Variants in GGA2 observed in about 807,000 individuals in gnomAD.
GGA2 encodes the protein ADP-ribosylation factor-binding protein GGA2.
In GGA2, 48 loss-of-function variants were observed where a neutral mutation model predicts 79.5. The ratio of observed to expected loss-of-function variants is 0.60; its 90% CI spans 0.48 to 0.77. The LOEUF (loss-of-function observed/expected upper bound fraction) is 0.77. Among genes scored for constraint, GGA2 ranks in the 30% least tolerant of loss-of-function variants. GGA2 has a pLI of 0.00. For synonymous variants in GGA2, 317 were observed against 302.0 expected, an observed-to-expected ratio of 1.05 and a Z score of -0.51; for missense variants, 770 against 774.0, an observed-to-expected ratio of 0.99 and a Z score of 0.06.
intron 11 of GGA2, 74 bp from the exon 12 acceptor site, chr16:23,478,985 C>A: frequency 9.8e-7 from 1 of 1,019,406 alleles, no homozygotes; most frequent in South Asian, 1.3e-5. Context: ...ATGCCACACC[C>A]ATCCTTTCTA....
intron 14 of GGA2, among the ~76,000 whole-genome samples, chr16:23,473,330 C>T (rs200785119): frequency 4.5e-3 from 318 of 70,566 alleles, no homozygotes; most frequent in Middle Eastern, 0.021. Context: ...CTTTTCTAGT[C>T]TTTTTTTTTT....
chr16:23,509,789 T>TTA (rs1965015395), intron 1 of GGA2, among the ~76,000 whole-genome samples: 1 of 144,322 alleles, frequency 6.9e-6, no homozygotes, highest in Non-Finnish European at 1.5e-5. Context: ...TGTGTGTGTT[T>TTA]AAAAAAAAAA....
At chr16:23,493,297 G>A in intron 4 of GGA2, 63 bp downstream of exon 4, 1 of 975,626 alleles carries the variant, frequency 1.0e-6, no homozygotes, top group Non-Finnish European at 1.7e-6. Flanking sequence ...TGAGGAGGGA[G>A]CCAGGAGTTT....
intron 2 of GGA2, 136 bp from the exon 3 acceptor site, chr16:23,494,514 AGGCCACGCGGGGGCCCTGGAGAG>A: frequency 1.4e-6 from 1 of 692,832 alleles, no homozygotes; most frequent in East Asian, 2.7e-5. Context: ...CCTGACAAAC[AGGCCACGCGGGGGCCCTGGAGAG>A]GGCCACCTCG....
intron 13 of GGA2, among the ~76,000 whole-genome samples, chr16:23,478,035 A>G (rs1236410204): frequency 6.8e-6 from 1 of 146,512 alleles, no homozygotes; most frequent in Non-Finnish European, 1.5e-5. Flanking sequence ...TCTACTAAAA[A>G]TTAAAAAAAA....
chr16:23,508,657 C>A (rs1231353143), intron 1 of GGA2, among the ~76,000 whole-genome samples: 1 of 152,172 alleles, frequency 6.6e-6, no homozygotes, highest in African/African-American at 2.4e-5. Context: ...GGGCTCCCCA[C>A]GCTCTCTTTC....
At position 23,493,371 on chromosome 16, in the gene GGA2, A is replaced by C. The variant is rs1379376238; in HGVS notation, c.340T>G (p.Leu114Val). The C allele has an allele frequency of 6.3e-7, 1 of 1,597,340 alleles. No homozygotes were observed. The highest frequency in any genetic ancestry group is 1.1e-5 in the South Asian group (1 of 90,738). ...FRFLNELIKV[L>V]SPKYLGSWAT... ...GCCCAGGTACTCACCTTTGGGGACA[A>C]CACTTTGATCAGTTCGTTCAGGAAA... Residue 114 changes from leucine (L) to valine (V), a missense_variant, in exon 4 of 17, where the codon TTG becomes GTG. Physicochemically the swap from Leu to Val is conservative, Grantham distance 32. Coordinates refer to ENST00000309859, the MANE Select transcript of GGA2 (RefSeq NM_015044.4).
Position 23,486,004 on chromosome 16 carries a change from A to G in GGA2, c.798+11T>C. ...AAACATGTGCAGCCCCCTGTGTTAC[A>G]CCTGTATTACCTGCAGGGCCTCCTG... On this transcript the variant is annotated intron_variant, in intron 8 of 16. Coordinates refer to ENST00000309859, the MANE Select transcript of GGA2 (RefSeq NM_015044.4). 1 of 1,612,890 alleles carries G rather than the reference A, an allele frequency of 6.2e-7. No individual in the cohort carries two copies. Among genetic ancestry groups the G allele is most frequent in the Non-Finnish European group, 8.5e-7 (1 of 1,179,396 alleles).
chr16:23,494,279 G>C (rs770177885), intron 3 of GGA2, 24 bp downstream of exon 3: 2 of 1,494,416 alleles, frequency 1.3e-6, no homozygotes, highest in Non-Finnish European at 1.9e-6. Context: ...GGAAAGGTTA[G>C]GCTACAAGGC....
At chr16:23,503,030 G>C (rs1964936642) in intron 1 of GGA2, among the ~76,000 whole-genome samples, 1 of 152,178 alleles carries the variant, frequency 6.6e-6, no homozygotes, top group Non-Finnish European at 1.5e-5. Flanking sequence ...ATCTTTCCTT[G>C]GGTATGGCCA....
At chr16:23,476,399 T>A (rs376283504) in intron 13 of GGA2, among the ~76,000 whole-genome samples, 1 of 152,254 alleles carries the variant, frequency 6.6e-6, no homozygotes, top group South Asian at 2.1e-4. Context: ...AGGGACAGGA[T>A]CTATGAAAAT....
chr16:23,500,623 C>T (rs1219444790), intron 1 of GGA2, among the ~76,000 whole-genome samples: 19 of 152,066 alleles, frequency 1.2e-4, no homozygotes, highest in Admixed American at 4.6e-4. Flanking sequence ...GCAGAGGCGT[C>T]GCAGATGGAA....
intron 2 of GGA2, among the ~76,000 whole-genome samples, chr16:23,516,757 T>C (rs1965105682): frequency 1.3e-5 from 2 of 152,150 alleles, no homozygotes; most frequent in South Asian, 4.1e-4. Flanking sequence ...TGGATCTGAC[T>C]GATTTATGGA....
chr16:23,513,324 C>T (rs112647488), upstream of GGA2, among the ~76,000 whole-genome samples: 2,234 of 152,264 alleles, frequency 0.015, 22 homozygotes, highest in South Asian at 0.02. Context: ...AGCAAAGGTT[C>T]TCTGACCTCC....
intron 13 of GGA2, 50 bp from the exon 14 acceptor site, chr16:23,475,111 C>T: frequency 8.2e-7 from 1 of 1,219,352 alleles, no homozygotes. Context: ...GTAGCGATTT[C>T]CTGGAATCTG....
At chr16:23,511,847 CT>C (rs1471754337), upstream of GGA2, among the ~76,000 whole-genome samples, 2 of 152,076 alleles carry the variant, frequency 1.3e-5, no homozygotes, top group Non-Finnish European at 2.9e-5. Context: ...GCAAATTTAT[CT>C]GGAAAAAAAG....
upstream of GGA2, among the ~76,000 whole-genome samples, chr16:23,515,164 A>G (rs1475385147): frequency 6.6e-6 from 1 of 151,572 alleles, no homozygotes; most frequent in African/African-American, 2.4e-5. Flanking sequence ...ATATATATAT[A>G]AATATGTATC....
At chr16:23,501,552 A>C in intron 1 of GGA2, 2 of 335,526 alleles carry the variant, frequency 6.0e-6, no homozygotes, top group East Asian at 7.8e-5. Flanking sequence ...AAAGCACAGA[A>C]ACTGGAGGCT....
rs549649016 is a variant in GGA2 at position 23,486,735 on chromosome 16, C to A, written c.635G>T (p.Arg212Leu). 10 of 1,609,898 alleles carry A rather than the reference C, an allele frequency of 6.2e-6. No individual in the cohort carries two copies. The highest frequency in any genetic ancestry group is 7.7e-6 in the Non-Finnish European group (9 of 1,176,124). ...NHPEDLQAAN[R>L]LIKNLVKEEQ... Reference sequence around the variant, plus strand: ...CTCCTTGACCAAATTCTTGATTAACCGGTTTGCAGCCTGAAGGTCCTCGGG... The same window carrying A: ...CTCCTTGACCAAATTCTTGATTAACAGGTTTGCAGCCTGAAGGTCCTCGGG... Residue 212 changes from arginine (R) to leucine (L), a missense_variant, in exon 7 of 17, where the codon CGG (arginine) becomes CTG (leucine). Arg to Leu is a moderately radical substitution (Grantham distance 102, BLOSUM62 -2). Coordinates refer to ENST00000309859, the MANE Select transcript of GGA2 (RefSeq NM_015044.4).
Sources: gnomAD v4.1 joint callset for allele counts (sites outside exome capture counted in the v4.1 genomes callset) on GRCh38, gnomAD v4.1.1 for gene constraint, MANE v1.5 for transcripts, NCBI Gene and HGNC (gene_info 2026-07-23, HGNC 2026-07-21) for gene names.